Variants in DEDD observed in about 807,000 individuals in gnomAD.
DEDD encodes death effector domain containing, also known as death effector domain-containing protein.
DEDD carries 3 observed loss-of-function variants against 29.2 expected under a neutral mutation model. The ratio of observed to expected loss-of-function variants is 0.10; its 90% CI spans 0.05 to 0.27. The LOEUF (loss-of-function observed/expected upper bound fraction) is 0.27, where lower values mean the gene tolerates loss of function less well. Ranked by LOEUF, DEDD falls within the 10% of genes least tolerant of loss-of-function variation. DEDD has a pLI of 1.00. For missense variants in DEDD, 261 were observed against 420.5 expected, an observed-to-expected ratio of 0.62 and a Z score of 3.32; for synonymous variants, 152 against 161.3, an observed-to-expected ratio of 0.94 and a Z score of 0.44.
intron 2 of DEDD, among the ~76,000 whole-genome samples, chr1:161,125,677 T>A (rs1042131292): frequency 6.6e-6 from 1 of 152,148 alleles, no homozygotes; most frequent in Non-Finnish European, 1.5e-5. Context: ...AATTTTTGTA[T>A]TTTTAGTAGA....
chr1:161,130,421 CA>C lies in DEDD; in HGVS notation c.-65+393del, dbSNP rs1262252106. On this transcript the variant is annotated intron_variant, in intron 2 of 5. Transcript: ENST00000368006. ...AAGAAGGATGCCAGGAACCCCCCAA[CA>C]GCTGAAAGAGAAAGTTAGAGGAAAA... 6.6e-5 allele frequency among the ~76,000 whole-genome samples: 10 copies of C among 152,240 alleles called. No homozygotes were observed. In the South Asian group the frequency reaches 2.1e-3, roughly 32 times the overall value.
At position 161,121,924 on chromosome 1, in the gene DEDD, T is replaced by C; in HGVS notation, c.*223A>G. The C allele has an allele frequency of 1.8e-6, 1 of 561,998 alleles. No individual in the cohort carries two copies. The highest frequency in any genetic ancestry group is 3.1e-6 in the Non-Finnish European group (1 of 321,950). The allele number at this position is 561,998 out of a possible 1,614,324, so 34.8% of individuals were successfully genotyped here. ...GTGGTAAGGTAGCTGTAGAGACACA[T>C]TACGGGGTAAATGGAAAAGGGAAAT... On this transcript the variant is annotated 3_prime_UTR_variant, in exon 6 of 6. Transcript: ENST00000368006.
chr1:161,124,921 C>A (rs1465524399), intron 2 of DEDD: 3 of 158,758 alleles, frequency 1.9e-5, no homozygotes, highest in East Asian at 1.9e-4. Flanking sequence ...CATAGCAAGA[C>A]CCCATCTCTA....
intron 5 of DEDD, 73 bp downstream of exon 5, chr1:161,123,002 G>A (rs1488232945): frequency 3.1e-6 from 5 of 1,614,020 alleles, no homozygotes; most frequent in African/African-American, 1.3e-5. Flanking sequence ...AGCATAAACT[G>A]CCCAGTGTCC....
intron 4 of DEDD, 113 bp downstream of exon 4, chr1:161,123,726 C>G: frequency 1.1e-6 from 1 of 900,460 alleles, no homozygotes; most frequent in Non-Finnish European, 1.7e-6. Flanking sequence ...TTTTATGGGG[C>G]AAGATGTGGG....
chr1:161,123,134 C>T lies in DEDD; in HGVS notation c.521G>A (p.Gly174Glu). 6.2e-7 allele frequency: 1 copy of T among 1,614,190 alleles called. No homozygotes were observed. Among genetic ancestry groups the T allele is most frequent in the Non-Finnish European group, 8.5e-7 (1 of 1,180,038 alleles). Residue 174 changes from glycine to glutamate, a missense_variant, in exon 5 of 6, where the codon GGG becomes GAG. Physicochemically the swap from Gly to Glu is moderately conservative, Grantham distance 98. This residue lies in a region of DEDD where 203 missense variants were observed against 268.7 expected (regional missense o/e 0.76). Transcript: ENST00000368006. ...KRPARGRATLGSQRKRRKSVT... is the reference protein window; with the variant it reads ...KRPARGRATLESQRKRRKSVT... ...TGACTTCCGGCGTTTTCGCTGGCTC[C>T]CAAGTGTGGCTCTCCCTCGGGCTGG... is the stretch of plus-strand genomic sequence containing the variant.
chr1:161,131,616 G>A (rs1299498839), intron 1 of DEDD, among the ~76,000 whole-genome samples: 1 of 152,010 alleles, frequency 6.6e-6, no homozygotes, highest in Non-Finnish European at 1.5e-5. Context: ...ACACTTGGGC[G>A]ACACCGGCTT....
In DEDD at chr1:161,124,163, G is replaced by A. The variant is rs145580342; in HGVS notation, c.300C>T (p.Tyr100=). 76 of 1,613,814 alleles carry A rather than the reference G, an allele frequency of 4.7e-5. No homozygotes were observed. Among genetic ancestry groups the A allele is most frequent in the Non-Finnish European group, 5.8e-5 (69 of 1,179,754 alleles). Residue 100 remains tyrosine, a synonymous_variant, in exon 3 of 6, where the codon TAC becomes TAT. Transcript: ENST00000368006. Reference sequence around the variant, plus strand: ...CAGCCCGTCTCCTCTTGAGGGTGACGTAGGGCAGCAGGTCGTGGCGAGTGA... The same window carrying A: ...CAGCCCGTCTCCTCTTGAGGGTGACATAGGGCAGCAGGTCGTGGCGAGTGA... ...RIITRHDLLP[Y]VTLKRRRAVC...
chr1:161,124,089 C>G (rs750022910), intron 3 of DEDD, 49 bp downstream of exon 3: 113 of 1,586,174 alleles, frequency 7.1e-5, no homozygotes, highest in Non-Finnish European at 9.4e-5. Context: ...CTGCTCCTTC[C>G]TGGCCTCCCA....
intron 2 of DEDD, among the ~76,000 whole-genome samples, chr1:161,127,686 C>T (rs1022659839): frequency 4.6e-5 from 7 of 152,318 alleles, no homozygotes; most frequent in Admixed American, 3.3e-4. Context: ...CTCTTCCTCT[C>T]GATTCACCTG....
rs775186397 is a variant in DEDD, at chr1:161,123,255, A to T, written c.434-34T>A. On this transcript the variant is annotated intron_variant, in intron 4 of 5. Coordinates refer to ENST00000368006, the MANE Select transcript of DEDD (RefSeq NM_032998.3). Reference sequence around the variant, plus strand: ...AAAGTAAAAGGGAAGAAAACACAGTAGGGTAAAGGCAGAAATTCAAACACT... The same window carrying T: ...AAAGTAAAAGGGAAGAAAACACAGTTGGGTAAAGGCAGAAATTCAAACACT... 1.2e-5 allele frequency: 19 copies of T among 1,590,910 alleles called. No individual in the cohort carries two copies. In the Admixed American group the frequency reaches 2.2e-4, roughly 18 times the overall value.
intron 2 of DEDD, 157 bp from the exon 3 acceptor site, chr1:161,124,683 CA>C (rs1202967626): frequency 6.0e-6 from 6 of 994,156 alleles, no homozygotes; most frequent in Non-Finnish European, 8.2e-6. Flanking sequence ...AAACACTGGC[CA>C]GGCACAGGGG....
intron 2 of DEDD, among the ~76,000 whole-genome samples, chr1:161,127,383 C>G (rs1656284573): frequency 3.3e-5 from 5 of 152,138 alleles, no homozygotes; most frequent in Admixed American, 3.3e-4. Flanking sequence ...GGAACTGAGG[C>G]TAGACTAGGA....
In DEDD at chr1:161,122,438, A is replaced by C. The variant is rs2101735062; in HGVS notation, c.666T>G (p.Leu222=). The change falls in exon 6 of 6, where the codon CTT becomes CTG. Residue 222 remains leucine (L), a synonymous_variant. Coordinates refer to ENST00000368006, the MANE Select transcript of DEDD (RefSeq NM_032998.3). This position sits in a 1 kb window ranked among gnomAD's most constrained non-coding sequence, Gnocchi z 4.2. The stretch of plus-strand genomic sequence containing the variant: ...GGTTAAAGCGCTCAAACTGGCGCTC[A>C]AGTGGGTCCTGCTTGTTAGAGAAGA... The part of the protein sequence containing the change: ...GNVFSNKQDP[L]ERQFERFNQA... 6.2e-7 allele frequency: 1 copy of C among 1,614,230 alleles called. No individual in the cohort carries two copies. Among genetic ancestry groups the C allele is most frequent in the Non-Finnish European group, 8.5e-7 (1 of 1,180,032 alleles).
Position 161,122,051 on chromosome 1 carries a change from G to T in DEDD, c.*96C>A. On this transcript the variant is annotated 3_prime_UTR_variant, in exon 6 of 6. Coordinates refer to ENST00000368006, the MANE Select transcript of DEDD (RefSeq NM_032998.3). This position sits in a 1 kb window ranked among gnomAD's most constrained non-coding sequence, Gnocchi z 4.2. ...AAAAAAAAAAAAAAAAGGCAGGGGT[G>T]TGATTGGTTGGAAGGGTAGAGAACA... 1 of 1,399,068 alleles carries T rather than the reference G, an allele frequency of 7.1e-7. No homozygotes were observed. Among genetic ancestry groups the T allele is most frequent in the Non-Finnish European group, 9.6e-7 (1 of 1,045,784 alleles). 86.7% of individuals were successfully genotyped at this position (1,399,068 alleles called of 1,614,324 possible).
In DEDD at chr1:161,121,434, A is replaced by G. The variant is rs1340176437; in HGVS notation, c.*713T>C. The G allele has an allele frequency of 1.3e-5, 2 of 154,030 alleles. No individual in the cohort carries two copies. The highest frequency in any genetic ancestry group is 2.4e-5 in the African/African-American group (1 of 41,420). 9.5% of individuals were successfully genotyped at this position (154,030 alleles called of 1,614,324 possible). A position where few individuals can be genotyped will look rare whatever the true frequency, so the allele number is the denominator to read the frequency against. On this transcript the variant is annotated 3_prime_UTR_variant, in exon 6 of 6. Coordinates refer to ENST00000368006, the MANE Select transcript of DEDD (RefSeq NM_032998.3). ...TATTTTAATCAGCAACCTCTTCTCC[A>G]TCCACCCTGTGTATGTGTGTACACA...
At chr1:161,123,635 CAAAAA>C (rs35678373) in intron 4 of DEDD, among the ~76,000 whole-genome samples, 199 bp downstream of exon 4, 1 of 88,930 alleles carries the variant, frequency 1.1e-5, no homozygotes, top group South Asian at 3.8e-4. Context: ...GACTCTGTCT[CAAAAA>C]AAAAAAAAAA....
rs1655497412 is a variant in DEDD at position 161,121,628 on chromosome 1, G to A, written c.*519C>T. ...AGGAGCAGCACCAGAGGCCAGGAGA[G>A]AGTGGAAAGGGCCACAGCTTGTTTT... On this transcript the variant is annotated 3_prime_UTR_variant, in exon 6 of 6. Coordinates refer to ENST00000368006, the MANE Select transcript of DEDD (RefSeq NM_032998.3). 6.4e-6 allele frequency: 1 copy of A among 155,708 alleles called. No individual in the cohort carries two copies. Among genetic ancestry groups the A allele is most frequent in the South Asian group, 1.9e-4 (1 of 5,200 alleles). The allele number at this position is 155,708 out of a possible 1,614,324, so 9.6% of individuals were successfully genotyped here. A position where few individuals can be genotyped will look rare whatever the true frequency, so the allele number is the denominator to read the frequency against.
intron 1 of DEDD, among the ~76,000 whole-genome samples, chr1:161,131,769 C>A (rs1365050262): frequency 1.7e-4 from 26 of 152,042 alleles, no homozygotes; most frequent in Admixed American, 1.7e-3. Context: ...CTCTTAAAAG[C>A]TAAGGGCCTG....
Sources: gnomAD v4.1 joint callset for allele counts (sites outside exome capture counted in the v4.1 genomes callset) on GRCh38, gnomAD v4.1.1 for gene constraint, gnomAD v4.1.1 regional missense constraint, Gnocchi (gnomAD v3.1) non-coding constraint, MANE v1.5 for transcripts, NCBI Gene and HGNC (gene_info 2026-07-23, HGNC 2026-07-21) for gene names.